Variants in GFRAL observed in about 807,000 individuals in gnomAD.
GFRAL encodes GDNF family receptor alpha-like.
A neutral mutation model predicts 45.4 loss-of-function variants in GFRAL; 36 were observed. The ratio of observed to expected loss-of-function variants is 0.79; its 90% CI spans 0.61 to 1.05. GFRAL has a LOEUF of 1.05. GFRAL is among the 50% of genes least tolerant of loss of function. The probability of loss-of-function intolerance (pLI) is 0.00; values close to 1 mark genes in which losing one functional copy is unlikely to be tolerated. For synonymous variants in GFRAL, 166 were observed against 154.1 expected (o/e 1.08, Z -0.57); for missense variants, 507 against 467.5 (o/e 1.08, Z -0.78).
intron 3 of GFRAL, among the ~76,000 whole-genome samples, chr6:55,340,866 A>G (rs1388980443): frequency 6.6e-6 from 1 of 152,182 alleles, no homozygotes; most frequent in Admixed American, 6.5e-5. Flanking sequence ...ATGGCACACC[A>G]GGAGATTATA....
At chr6:55,376,932 C>T (rs1370313787) in intron 6 of GFRAL, among the ~76,000 whole-genome samples, 1 of 151,842 alleles carries the variant, frequency 6.6e-6, no homozygotes, top group African/African-American at 2.4e-5. Flanking sequence ...TATTTGGGAC[C>T]TACAAGTAGT....
intron 6 of GFRAL, among the ~76,000 whole-genome samples, chr6:55,389,162 G>A (rs1466331244): frequency 6.6e-6 from 1 of 151,996 alleles, no homozygotes. Context: ...TATGTCATGG[G>A]GGTTTGTTAT....
chr6:55,369,257 C>T (rs1290607563), intron 6 of GFRAL, among the ~76,000 whole-genome samples: 1 of 152,186 alleles, frequency 6.6e-6, no homozygotes, highest in East Asian at 1.9e-4. Flanking sequence ...ACTCCCTGAC[C>T]CCTTGCGCTT....
At chr6:55,377,938 G>A (rs12661486) in intron 6 of GFRAL, among the ~76,000 whole-genome samples, 24 of 152,112 alleles carry the variant, frequency 1.6e-4, no homozygotes, top group African/African-American at 5.5e-4. Flanking sequence ...TTCTAATTCA[G>A]GTAACTGAAG....
chr6:55,368,867 A>T (rs1460916796), intron 6 of GFRAL, among the ~76,000 whole-genome samples: 1 of 152,116 alleles, frequency 6.6e-6, no homozygotes, highest in Non-Finnish European at 1.5e-5. Flanking sequence ...GGGACATTTA[A>T]GTCTGCAGAG....
At chr6:55,373,275 C>T (rs1768477406) in intron 6 of GFRAL, among the ~76,000 whole-genome samples, 1 of 152,060 alleles carries the variant, frequency 6.6e-6, no homozygotes, top group Admixed American at 6.6e-5. Flanking sequence ...AAGGTTCTTC[C>T]TTGACCGTAT....
Position 55,402,023 on chromosome 6 carries a change from C to G in GFRAL, c.*170C>G, listed in dbSNP as rs1359120680. ...CGGAGTTTTGCTCTTGTTGCCCAGG[C>G]TGCAGTACAATGGCTCAATCTCGGT... On this transcript the variant is annotated 3_prime_UTR_variant, in exon 9 of 9. Coordinates refer to ENST00000340465, the MANE Select transcript of GFRAL (RefSeq NM_207410.2). 1.9e-6 allele frequency: 1 copy of G among 527,074 alleles called. No homozygotes were observed. Among genetic ancestry groups the G allele is most frequent in the Non-Finnish European group, 3.3e-6 (1 of 303,702 alleles). The allele number at this position is 527,074 out of a possible 1,614,324, so 32.6% of individuals were successfully genotyped here. A position where few individuals can be genotyped will look rare whatever the true frequency, so the allele number is the denominator to read the frequency against.
chr6:55,395,706 T>A (rs1448123926), intron 6 of GFRAL, among the ~76,000 whole-genome samples: 1 of 151,690 alleles, frequency 6.6e-6, no homozygotes, highest in Non-Finnish European at 1.5e-5. Flanking sequence ...ACAATGCATT[T>A]ACTGTTTCAT....
intron 3 of GFRAL, among the ~76,000 whole-genome samples, chr6:55,341,024 G>C (rs1767957383): frequency 6.6e-6 from 1 of 152,132 alleles, no homozygotes; most frequent in South Asian, 2.1e-4. Context: ...AAAGCAGCTG[G>C]GAAACTCAAA....
At chr6:55,347,171 C>T (rs10498804) in intron 3 of GFRAL, among the ~76,000 whole-genome samples, 5,751 of 151,980 alleles carry the variant, frequency 0.038, 141 homozygotes, top group African/African-American at 0.062. Flanking sequence ...GTCTATGAAT[C>T]CAGGAGATGA....
intron 3 of GFRAL, among the ~76,000 whole-genome samples, chr6:55,339,038 A>G (rs962080063): frequency 2.0e-5 from 3 of 152,190 alleles, no homozygotes; most frequent in African/African-American, 4.8e-5. Context: ...ATAATTTAAG[A>G]GAGAGGTAAT....
At chr6:55,380,695 C>G (rs1489034356) in intron 6 of GFRAL, among the ~76,000 whole-genome samples, 1 of 151,894 alleles carries the variant, frequency 6.6e-6, no homozygotes, top group Admixed American at 6.6e-5. Context: ...CCATGCAGCT[C>G]CCAAGGTGGC....
chr6:55,385,353 C>T (rs551852111), intron 6 of GFRAL, among the ~76,000 whole-genome samples: 1 of 152,056 alleles, frequency 6.6e-6, no homozygotes, highest in African/African-American at 2.4e-5. Context: ...GCTGTTGAAG[C>T]TACATTCTGA....
Position 55,400,344 on chromosome 6 carries a change from G to T in GFRAL, c.1121+903G>T, listed in dbSNP as rs80251251. ...AGATTGGGCCTTCAGAGGAACAGAAGTATTCACTGGAGATTTACCTTATGA... is the reference window on the plus strand; with the variant it reads ...AGATTGGGCCTTCAGAGGAACAGAATTATTCACTGGAGATTTACCTTATGA... On this transcript the variant is annotated intron_variant, in intron 8 of 8. Coordinates refer to ENST00000340465, the MANE Select transcript of GFRAL (RefSeq NM_207410.2). 2.4e-3 allele frequency among the ~76,000 whole-genome samples: 370 copies of T among 152,164 alleles called. 4 individuals are homozygous for T. Among genetic ancestry groups the T allele is most frequent in the African/African-American group, 8.6e-3 (359 of 41,554 alleles).
chr6:55,328,876 T>C (rs1286175821), intron 1 of GFRAL, among the ~76,000 whole-genome samples: 1 of 152,054 alleles, frequency 6.6e-6, no homozygotes, highest in East Asian at 1.9e-4. Context: ...TTATATTTTT[T>C]AGAATGCTTG....
At chr6:55,347,276 T>C (rs1768056037) in intron 3 of GFRAL, among the ~76,000 whole-genome samples, 3 of 152,092 alleles carry the variant, frequency 2.0e-5, no homozygotes, top group African/African-American at 4.8e-5. Context: ...GCGAGTAAGA[T>C]AAGTAATATT....
intron 3 of GFRAL, among the ~76,000 whole-genome samples, chr6:55,345,874 A>C (rs1274632637): frequency 6.6e-6 from 1 of 152,244 alleles, no homozygotes; most frequent in African/African-American, 2.4e-5. Flanking sequence ...TCAAAAAGTG[A>C]GTGAAGGATA....
At chr6:55,376,480 C>T (rs1008130818) in intron 6 of GFRAL, among the ~76,000 whole-genome samples, 2 of 150,404 alleles carry the variant, frequency 1.3e-5, no homozygotes, top group African/African-American at 4.9e-5. Context: ...GTGTTAATAC[C>T]ATCTTGCTTG....
At chr6:55,329,283 A>G (rs1243897945) in intron 1 of GFRAL, among the ~76,000 whole-genome samples, 1 of 152,100 alleles carries the variant, frequency 6.6e-6, no homozygotes, top group African/African-American at 2.4e-5. Flanking sequence ...AGCTTGTTCA[A>G]CCAAAAACTG....
Sources: allele counts gnomAD v4.1 joint callset (sites outside exome capture counted in the v4.1 genomes callset), GRCh38; gene constraint gnomAD v4.1.1; transcripts MANE v1.5; gene names NCBI Gene and HGNC (gene_info 2026-07-23, HGNC 2026-07-21).